SLC1A1: variants seen among roughly 807,000 people sequenced by gnomAD.
SLC1A1 encodes solute carrier family 1 member 1, also known as excitatory amino acid transporter 3.
A neutral mutation model predicts 53.3 loss-of-function variants in SLC1A1; 43 were observed. That is an observed-to-expected ratio of 0.81 (90% CI 0.63 to 1.04). SLC1A1 has a LOEUF of 1.04. Among genes scored for constraint, SLC1A1 ranks in the 50% least tolerant of loss-of-function variants. SLC1A1 has a pLI of 0.00. For synonymous variants in SLC1A1, 307 were observed against 243.2 expected, an observed-to-expected ratio of 1.26 and a Z score of -2.44; for missense variants, 748 against 664.9, an observed-to-expected ratio of 1.12 and a Z score of -1.37.
In SLC1A1 at chr9:4,490,672, C is replaced by T; in HGVS notation, c.-8C>T. 1.2e-6 allele frequency: 2 copies of T among 1,611,454 alleles called. No individual in the cohort carries two copies. The highest frequency in any genetic ancestry group is 1.7e-6 in the Non-Finnish European group (2 of 1,178,106). The stretch of plus-strand genomic sequence containing the variant: ...GGCCGAGCCCAGCGCACAATAGCGG[C>T]GACAGCCATGGGGAAACCGGCGAGG... On this transcript the variant is annotated 5_prime_UTR_variant, in exon 1 of 12. Transcript: ENST00000262352.
chr9:4,535,354 C>T (rs1373273401), intron 1 of SLC1A1, among the ~76,000 whole-genome samples: 1 of 152,138 alleles, frequency 6.6e-6, no homozygotes, highest in Admixed American at 6.5e-5. Flanking sequence ...GCAACTTCAG[C>T]AAAGTCTCAG....
At position 4,556,882 on chromosome 9, in the gene SLC1A1, G is replaced by A. The variant is rs1033575615; in HGVS notation, c.233-4567G>A. 3.9e-5 allele frequency among the ~76,000 whole-genome samples: 6 copies of A among 152,130 alleles called. No homozygotes were observed. Among genetic ancestry groups the A allele is most frequent in the African/African-American group, 1.4e-4 (6 of 41,422 alleles). ...TGCGGTTTTAGAATTTCAGAGGGGTGGTGATTAGGAAAACGGCTTTGGGGG... is the reference window on the plus strand; with the variant it reads ...TGCGGTTTTAGAATTTCAGAGGGGTAGTGATTAGGAAAACGGCTTTGGGGG... On this transcript the variant is annotated intron_variant, in intron 2 of 11. Coordinates refer to ENST00000262352, the MANE Select transcript of SLC1A1 (RefSeq NM_004170.6). This position sits in a 1 kb window ranked among gnomAD's most constrained non-coding sequence, Gnocchi z 4.1.
At chr9:4,558,834 C>T (rs1412841619) in intron 2 of SLC1A1, among the ~76,000 whole-genome samples, 3 of 152,018 alleles carry the variant, frequency 2.0e-5, no homozygotes, top group Non-Finnish European at 4.4e-5. Context: ...CAAAGAAGGA[C>T]GACATATCTG....
chr9:4,520,578 A>C (rs1320527031), intron 1 of SLC1A1, among the ~76,000 whole-genome samples: 2 of 152,206 alleles, frequency 1.3e-5, no homozygotes, highest in African/African-American at 4.8e-5. Context: ...GCTCATCCAT[A>C]CCACAGCATG....
intron 3 of SLC1A1, among the ~76,000 whole-genome samples, chr9:4,563,702 TC>T (rs1819201912): frequency 1.3e-5 from 2 of 152,270 alleles, no homozygotes; most frequent in Admixed American, 1.3e-4. Context: ...ACCCATTACT[TC>T]CCAAGGCCAC....
intron 1 of SLC1A1, among the ~76,000 whole-genome samples, chr9:4,503,661 C>A (rs1338681825): frequency 6.6e-6 from 1 of 151,834 alleles, no homozygotes; most frequent in Non-Finnish European, 1.5e-5. Flanking sequence ...CTCTTAGGTT[C>A]AATTTCAGTA....
At position 4,538,031 on chromosome 9, in the gene SLC1A1, A is replaced by C. The variant is rs146627178; in HGVS notation, c.92-6536A>C. On this transcript the variant is annotated intron_variant, in intron 1 of 11. Coordinates refer to ENST00000262352, the MANE Select transcript of SLC1A1 (RefSeq NM_004170.6). ...ATAATTTTTTAAATTATAAGAGATA[A>C]TACAAAAGACAATTCATTTGAAATG... 2.8e-3 allele frequency among the ~76,000 whole-genome samples: 422 copies of C among 152,328 alleles called. 2 individuals are homozygous for C. The highest frequency in any genetic ancestry group is 9.8e-3 in the African/African-American group (406 of 41,562).
intron 1 of SLC1A1, among the ~76,000 whole-genome samples, chr9:4,521,948 C>CTGCCATTGGTAGCAAGGTCTTATGGA (rs1816089059): frequency 6.6e-6 from 1 of 151,970 alleles, no homozygotes; most frequent in Non-Finnish European, 1.5e-5. Context: ...AAAGTGAGTG[C>CTGCCATTGGTAGCAAGGTCTTATGGA]TGCCATTGGT....
intron 2 of SLC1A1, among the ~76,000 whole-genome samples, chr9:4,555,922 G>A (rs910771576): frequency 1.3e-4 from 19 of 151,714 alleles, no homozygotes; most frequent in Non-Finnish European, 2.4e-4. Flanking sequence ...AATAACCTTC[G>A]TAAACTATAG....
chr9:4,518,106 G>A (rs1046823157), intron 1 of SLC1A1, among the ~76,000 whole-genome samples: 4 of 151,356 alleles, frequency 2.6e-5, no homozygotes, highest in African/African-American at 7.3e-5. Context: ...CATGGTGGTG[G>A]GTGCCTGTAA....
At chr9:4,574,926 C>G (rs1286940773) in intron 8 of SLC1A1, among the ~76,000 whole-genome samples, 2 of 152,198 alleles carry the variant, frequency 1.3e-5, no homozygotes, top group Non-Finnish European at 2.9e-5. Flanking sequence ...TTGGTCCCTA[C>G]AGTGTGAGGC....
intron 1 of SLC1A1, among the ~76,000 whole-genome samples, chr9:4,497,642 G>C (rs1277994064): frequency 6.6e-6 from 1 of 152,126 alleles, no homozygotes; most frequent in Non-Finnish European, 1.5e-5. Flanking sequence ...ATCTATGTCA[G>C]CAACATAGAT....
chr9:4,538,270 G>A (rs998719043), intron 1 of SLC1A1, among the ~76,000 whole-genome samples: 14 of 152,166 alleles, frequency 9.2e-5, no homozygotes, highest in African/African-American at 3.4e-4. Context: ...ATTTACATTG[G>A]TTCAGTCCAG....
chr9:4,566,325 C>T (rs1163399610), intron 5 of SLC1A1, among the ~76,000 whole-genome samples: 1 of 151,964 alleles, frequency 6.6e-6, no homozygotes, highest in Non-Finnish European at 1.5e-5. Flanking sequence ...TGCTTTTTCC[C>T]CCAAAAAGGC....
At position 4,571,473 on chromosome 9, in the gene SLC1A1, C is replaced by T. The variant is rs538826591; in HGVS notation, c.583-731C>T. ...GGCGGATCACCTGAGGTCAGGAGTT[C>T]GAGACCACCCTGGCCAACACGGCGA... On this transcript the variant is annotated intron_variant, in intron 6 of 11. Coordinates refer to ENST00000262352, the MANE Select transcript of SLC1A1 (RefSeq NM_004170.6). Among the ~76,000 whole-genome samples the T allele has an allele frequency of 1.7e-4, 26 of 152,086 alleles. No individual in the cohort carries two copies. In the East Asian group the frequency reaches 4.8e-3, roughly 28 times the overall value.
At chr9:4,564,822 T>C (rs1187016150) in intron 4 of SLC1A1, among the ~76,000 whole-genome samples, 1 of 152,148 alleles carries the variant, frequency 6.6e-6, no homozygotes, top group African/African-American at 2.4e-5. Context: ...GAGGGGTAAA[T>C]AGGTCAGTCA....
chr9:4,534,283 GA>G (rs1816590461), intron 1 of SLC1A1, among the ~76,000 whole-genome samples: 1 of 152,076 alleles, frequency 6.6e-6, no homozygotes, highest in Admixed American at 6.5e-5. Flanking sequence ...CTGGTTTTTT[GA>G]AAAGATCAAC....
Position 4,564,390 on chromosome 9 carries a change from G to A in SLC1A1, c.372G>A (p.Val124=), listed in dbSNP as rs1209590693. ...TCAAGCCTGGTGTCACCCAGAAAGTGGGTGAAATTGCGAGGACAGGCAGCA... is the reference window on the plus strand; with the variant it reads ...TCAAGCCTGGTGTCACCCAGAAAGTAGGTGAAATTGCGAGGACAGGCAGCA... ...VSIKPGVTQK[V]GEIARTGSTP... The change falls in exon 4 of 12, where the codon GTG becomes GTA. Residue 124 remains valine (V), a synonymous_variant. Transcript: ENST00000262352. 6.2e-7 allele frequency: 1 copy of A among 1,613,868 alleles called. No homozygotes were observed. The highest frequency in any genetic ancestry group is 8.5e-7 in the Non-Finnish European group (1 of 1,179,904).
intron 2 of SLC1A1, among the ~76,000 whole-genome samples, chr9:4,561,132 T>G (rs1317380815): frequency 2.0e-5 from 3 of 152,120 alleles, no homozygotes; most frequent in African/African-American, 7.2e-5. Flanking sequence ...CTTGGTAAAG[T>G]TCTTAGTGCA....
Sources: gnomAD v4.1 joint callset for allele counts (sites outside exome capture counted in the v4.1 genomes callset) on GRCh38, gnomAD v4.1.1 for gene constraint, Gnocchi (gnomAD v3.1) non-coding constraint, MANE v1.5 for transcripts, NCBI Gene and HGNC (gene_info 2026-07-23, HGNC 2026-07-21) for gene names.